The following CA12 variants were observed in gnomAD, a reference collection of about 807,000 sequenced individuals.
The protein encoded by CA12 is carbonate dehydratase XII.
Under a neutral mutation model 46.8 loss-of-function variants are expected in CA12, and 36 were observed. The observed-to-expected ratio is 0.77, with a 90% CI of 0.59 to 1.02. The LOEUF (loss-of-function observed/expected upper bound fraction) is 1.02, where lower values mean the gene tolerates loss of function less well. Ranked by LOEUF, CA12 falls within the 50% of genes least tolerant of loss-of-function variation. CA12 has a pLI of 0.00. For synonymous variants in CA12, 202 were observed against 187.0 expected (o/e 1.08, Z -0.65); for missense variants, 436 against 451.4 (o/e 0.97, Z 0.31).
chr15:63,353,493 A>C (rs1368513197), intron 2 of CA12, among the ~76,000 whole-genome samples: 1 of 152,150 alleles, frequency 6.6e-6, no homozygotes, highest in African/African-American at 2.4e-5. Flanking sequence ...AGCTAGGATC[A>C]TTTGACACCT....
At chr15:63,356,120 C>T (rs1315223883) in intron 2 of CA12, among the ~76,000 whole-genome samples, 5 of 152,098 alleles carry the variant, frequency 3.3e-5, no homozygotes, top group Non-Finnish European at 5.9e-5. Flanking sequence ...CGGCCGGGCA[C>T]GGTGGCTCAC....
At chr15:63,377,833 G>C (rs920205331) in intron 1 of CA12, among the ~76,000 whole-genome samples, 1 of 152,194 alleles carries the variant, frequency 6.6e-6, no homozygotes, top group Non-Finnish European at 1.5e-5. Context: ...CCCTGGAAGA[G>C]AAGAGTTCAG....
At chr15:63,376,557 C>CCTTTCTTTCTTTCCTTCTTT (rs1555432627) in intron 1 of CA12, among the ~76,000 whole-genome samples, 2 of 104,526 alleles carry the variant, frequency 1.9e-5, no homozygotes, top group African/African-American at 7.2e-5. Context: ...CTCTTTCTTT[C>CCTTTCTTTCTTTCCTTCTTT]CTTTCTTTCT....
intron 2 of CA12, among the ~76,000 whole-genome samples, chr15:63,352,777 T>C (rs1303269929): frequency 6.6e-6 from 1 of 152,206 alleles, no homozygotes; most frequent in African/African-American, 2.4e-5. Context: ...TGATAGCTTT[T>C]GGTTAGTCCC....
rs1344075738 is a variant in CA12 at position 63,378,548 on chromosome 15, GA to G, written c.86-2871del. ...GTAATTAGACATTCAGAACCACGGG[GA>G]AACCAAACTTGTATGTGACCCCCAA... On this transcript the variant is annotated intron_variant, in intron 1 of 10. Transcript: ENST00000178638. This position sits in a 1 kb window ranked among gnomAD's most constrained non-coding sequence, Gnocchi z 4.8. Among the ~76,000 whole-genome samples the G allele has an allele frequency of 6.6e-6, 1 of 152,102 alleles. No homozygotes were observed. The highest frequency in any genetic ancestry group is 1.9e-4 in the East Asian group (1 of 5,190).
intron 2 of CA12, among the ~76,000 whole-genome samples, chr15:63,359,671 G>A (rs1220530376): frequency 6.6e-6 from 1 of 152,078 alleles, no homozygotes; most frequent in African/African-American, 2.4e-5. Flanking sequence ...AATGTCAAGG[G>A]CATAAAAGGT....
In CA12 at chr15:63,338,818, C is replaced by T. The variant is rs773592986; in HGVS notation, c.874+1G>A. ...CTCCCCCCAGCACTGCCTCTCCTCA[C>T]CTTGGGAGAAGGAGGTGTATACCAG... On this transcript the variant is annotated splice_donor_variant, in intron 8 of 10. Coordinates refer to ENST00000178638, the MANE Select transcript of CA12 (RefSeq NM_001218.5). LOFTEE classifies it high-confidence loss of function. 5 of 1,614,002 alleles carry T rather than the reference C, an allele frequency of 3.1e-6. No homozygotes were observed. The African/African-American group carries it at 5.3e-5, about 17-fold the overall frequency.
chr15:63,347,752 G>T (rs1396008190), intron 2 of CA12, among the ~76,000 whole-genome samples: 1 of 152,208 alleles, frequency 6.6e-6, no homozygotes, highest in Non-Finnish European at 1.5e-5. Flanking sequence ...GAAAAGCAAA[G>T]AATTGGCATG....
intron 1 of CA12, among the ~76,000 whole-genome samples, chr15:63,380,030 C>T (rs2039625034): frequency 6.6e-6 from 1 of 152,196 alleles, no homozygotes; most frequent in Admixed American, 6.5e-5. Flanking sequence ...AACTCCTCTC[C>T]ACCTCCAACT....
chr15:63,326,613 A>AC (rs1380879214), intron 10 of CA12, among the ~76,000 whole-genome samples: 1 of 151,654 alleles, frequency 6.6e-6, no homozygotes, highest in Non-Finnish European at 1.5e-5. Flanking sequence ...TCTCGTTGTC[A>AC]CCCCCCTCTT....
intron 2 of CA12, among the ~76,000 whole-genome samples, chr15:63,363,038 C>A (rs1476353092): frequency 6.6e-6 from 1 of 152,196 alleles, no homozygotes; most frequent in African/African-American, 2.4e-5. Flanking sequence ...TCACCGGGTG[C>A]TGTGCTGTGA....
rs1214713776 is a variant in CA12 at position 63,341,490 on chromosome 15, TGATC to T, written c.525+508_525+511del. On this transcript the variant is annotated intron_variant, in intron 5 of 10. Coordinates refer to ENST00000178638, the MANE Select transcript of CA12 (RefSeq NM_001218.5). This position sits in a 1 kb window ranked among gnomAD's most constrained non-coding sequence, Gnocchi z 5.2. ...CTTACGGAATCTAACTAATGCTTGA[TGATC>T]TGAGGTGGAACAGTTTCATCCCAAA... 6.6e-6 allele frequency among the ~76,000 whole-genome samples: 1 copy of T among 152,256 alleles called. No individual in the cohort carries two copies. The highest frequency in any genetic ancestry group is 2.4e-5 in the African/African-American group (1 of 41,468).
intron 1 of CA12, among the ~76,000 whole-genome samples, chr15:63,380,427 C>T (rs2039630487): frequency 6.6e-6 from 1 of 152,200 alleles, no homozygotes; most frequent in South Asian, 2.1e-4. Context: ...ATGGCTGTTT[C>T]TCCCTTTGGT....
chr15:63,372,133 C>T lies in CA12; in HGVS notation c.106+3525G>A, dbSNP rs912811798. The stretch of plus-strand genomic sequence containing the variant: ...CCCCACAGGGCACATATTCTGATAC[C>T]TTAGCAGGCTGGAGTTTGTCCTTAG... On this transcript the variant is annotated intron_variant, in intron 2 of 10. Coordinates refer to ENST00000178638, the MANE Select transcript of CA12 (RefSeq NM_001218.5). The surrounding 1 kb of genome is among the most constrained non-coding windows in gnomAD (Gnocchi z 4.5). Among the ~76,000 whole-genome samples, 4 of 152,206 alleles carry T rather than the reference C, an allele frequency of 2.6e-5. No individual in the cohort carries two copies. Among genetic ancestry groups the T allele is most frequent in the African/African-American group, 7.2e-5 (3 of 41,444 alleles).
In CA12 at chr15:63,326,329, T is replaced by A; in HGVS notation, c.1021A>T (p.Ile341Phe). 1 of 1,614,030 alleles carries A rather than the reference T, an allele frequency of 6.2e-7. No homozygotes were observed. The highest frequency in any genetic ancestry group is 8.5e-7 in the Non-Finnish European group (1 of 1,179,938). The change falls in exon 11 of 11, where the codon ATT becomes TTT. Residue 341 changes from isoleucine (I) to phenylalanine (F), a missense_variant. By Grantham distance (21) the Ile-to-Phe change is conservative (BLOSUM62 0). Transcript: ENST00000178638. ...TCCATCTTGGTGGCTGGCTTGTAAATGACTCCCTTGTTATCACCTTTTTTG... is the reference window on the plus strand; with the variant it reads ...TCCATCTTGGTGGCTGGCTTGTAAAAGACTCCCTTGTTATCACCTTTTTTG... ...SIKKGDNKGV[I>F]YKPATKMETE... is the part of the protein sequence containing the mutation.
At chr15:63,377,734 T>A (rs2039595320) in intron 1 of CA12, among the ~76,000 whole-genome samples, 1 of 152,210 alleles carries the variant, frequency 6.6e-6, no homozygotes, top group South Asian at 2.1e-4. Context: ...AAATGATTCT[T>A]TTGCTATTAT....
intron 2 of CA12, among the ~76,000 whole-genome samples, chr15:63,354,315 CA>C (rs2039268660): frequency 6.6e-6 from 1 of 152,232 alleles, no homozygotes; most frequent in Non-Finnish European, 1.5e-5. Flanking sequence ...CTTGCCATAG[CA>C]GGCCAACTCT....
intron 8 of CA12, among the ~76,000 whole-genome samples, chr15:63,337,356 G>A (rs187245912): frequency 6.3e-4 from 96 of 152,302 alleles, no homozygotes; most frequent in African/African-American, 2.2e-3. Context: ...GGAGGTGATC[G>A]TTATAACCTC....
chr15:63,335,546 C>T (rs1305894010), intron 8 of CA12, among the ~76,000 whole-genome samples: 1 of 151,260 alleles, frequency 6.6e-6, no homozygotes, highest in Non-Finnish European at 1.5e-5. Context: ...TCACTGCAGC[C>T]TCAAACTCTT....
Sources: allele counts gnomAD v4.1 joint callset (sites outside exome capture counted in the v4.1 genomes callset), GRCh38; gene constraint gnomAD v4.1.1; non-coding constraint Gnocchi (gnomAD v3.1); transcripts MANE v1.5; gene names NCBI Gene and HGNC (gene_info 2026-07-23, HGNC 2026-07-21).